The following CSPP1 variants were observed in gnomAD, a reference collection of about 807,000 sequenced individuals.
CSPP1 encodes the protein centrosome and spindle pole-associated protein 1.
A neutral mutation model predicts 164.4 loss-of-function variants in CSPP1; 126 were observed. The observed-to-expected ratio is 0.77, with a 90% confidence interval of 0.66 to 0.89. The LOEUF (loss-of-function observed/expected upper bound fraction) is 0.89, where lower values mean the gene tolerates loss of function less well. CSPP1 is among the 40% of genes least tolerant of loss of function. The pLI is 0.00. For missense variants in CSPP1, 1,395 were observed against 1,449.8 expected (o/e 0.96, Z 0.61); for synonymous variants, 472 against 476.7 (o/e 0.99, Z 0.13).
intron 17 of CSPP1, among the ~76,000 whole-genome samples, chr8:67,144,904 TAAA>T (rs771851246): frequency 7.9e-6 from 1 of 125,822 alleles, no homozygotes; most frequent in Admixed American, 8.1e-5. Context: ...CTATCTCTAC[TAAA>T]AAAAAAAAAA....
At chr8:67,103,203 G>T in intron 8 of CSPP1, 68 bp downstream of exon 8, 1 of 891,710 alleles carries the variant, frequency 1.1e-6, no homozygotes, top group Non-Finnish European at 1.8e-6. Context: ...CCTAAAACTG[G>T]CTAACTGAAA....
rs561578263 is a variant in CSPP1 at position 67,073,498 on chromosome 8, A to G, written c.-10-745A>G. The stretch of plus-strand genomic sequence containing the variant: ...TTAAAGAAGGCAAAAGAGATATAGC[A>G]GTGAAATGCAATCAGTACCTAACTT... On this transcript the variant is annotated intron_variant, in intron 1 of 30. Transcript: ENST00000678616. Among the ~76,000 whole-genome samples the G allele has an allele frequency of 2.0e-5, 3 of 152,334 alleles. No homozygotes were observed. The South Asian group carries it at 6.2e-4, about 32-fold the overall frequency.
intron 18 of CSPP1, among the ~76,000 whole-genome samples, chr8:67,151,154 T>G (rs2129558321): frequency 6.6e-6 from 1 of 152,328 alleles, no homozygotes; most frequent in Non-Finnish European, 1.5e-5. Flanking sequence ...TATTTACCGT[T>G]TTCATGGGCA....
Position 67,110,835 on chromosome 8 carries a change from C to T in CSPP1, c.1094-1137C>T, listed in dbSNP as rs577765688. Among the ~76,000 whole-genome samples the T allele has an allele frequency of 7.9e-5, 12 of 151,368 alleles. No homozygotes were observed. The South Asian group carries it at 1.7e-3, about 21-fold the overall frequency. ...GAAAACAATTATTTTGTGTATTTTG[C>T]GCAGTTTTCTAATGTTTCTGTTGTT... is the stretch of plus-strand genomic sequence containing the variant. On this transcript the variant is annotated intron_variant, in intron 9 of 30. Coordinates refer to ENST00000678616, the MANE Select transcript of CSPP1 (RefSeq NM_001382391.1).
At chr8:67,153,927 T>C (rs548582156) in intron 18 of CSPP1, 97 bp from the exon 19 acceptor site, 1 of 595,994 alleles carries the variant, frequency 1.7e-6, no homozygotes, top group African/African-American at 1.9e-5. Flanking sequence ...TTTTTTTTTT[T>C]TTAAAAATGA....
chr8:67,165,361 T>A (rs1272942622), intron 24 of CSPP1, among the ~76,000 whole-genome samples: 1 of 152,194 alleles, frequency 6.6e-6, no homozygotes, highest in South Asian at 2.1e-4. Flanking sequence ...ACATCTTATA[T>A]TACCATGGTA....
chr8:67,086,751 C>G, intron 4 of CSPP1: 1 of 773,144 alleles, frequency 1.3e-6, no homozygotes, highest in East Asian at 5.4e-5. Context: ...GTCTCTTATT[C>G]TGATTTACAC....
intron 15 of CSPP1, 24 bp downstream of exon 15, chr8:67,118,845 A>T (rs1818443962): frequency 6.6e-7 from 1 of 1,523,364 alleles, no homozygotes; most frequent in Admixed American, 1.7e-5. Context: ...TAAAAGAATA[A>T]TTTTTTCCCC....
At chr8:67,153,868 T>A (rs1316949784) in intron 18 of CSPP1, among the ~76,000 whole-genome samples, 156 bp from the exon 19 acceptor site, 1 of 152,040 alleles carries the variant, frequency 6.6e-6, no homozygotes, top group Non-Finnish European at 1.5e-5. Flanking sequence ...GTTCATCTGA[T>A]CTTCAGATTC....
At chr8:67,141,130 T>C (rs1823410787) in intron 17 of CSPP1, among the ~76,000 whole-genome samples, 1 of 152,224 alleles carries the variant, frequency 6.6e-6, no homozygotes, top group South Asian at 2.1e-4. Flanking sequence ...AGAGCAGTTT[T>C]CTAAAATCTT....
At chr8:67,162,974 T>C (rs1025161086) in intron 22 of CSPP1, among the ~76,000 whole-genome samples, 1 of 152,156 alleles carries the variant, frequency 6.6e-6, no homozygotes, top group Non-Finnish European at 1.5e-5. Context: ...ATTAGTGCCA[T>C]TGTCTACGAT....
At chr8:67,136,488 G>T (rs1281774946) in intron 16 of CSPP1, among the ~76,000 whole-genome samples, 1 of 145,582 alleles carries the variant, frequency 6.9e-6, no homozygotes, top group Non-Finnish European at 1.5e-5. Flanking sequence ...AGAATGGCGT[G>T]AACCCGGGAG....
In CSPP1 at chr8:67,118,819, T is replaced by G. The variant is rs779267449; in HGVS notation, c.1695T>G (p.Val565=). 1.2e-6 allele frequency: 2 copies of G among 1,603,326 alleles called. No homozygotes were observed. Among genetic ancestry groups the G allele is most frequent in the Non-Finnish European group, 1.7e-6 (2 of 1,170,452 alleles). ...APVTHQLAQP[V]VNTVGQNELK... is the part of the protein sequence containing the mutation. The stretch of plus-strand genomic sequence containing the variant: ...TCACCCACCAACTAGCACAACCTGT[T>G]GTGTAAGTTATTAGTTAAAAGAATA... The change falls in exon 15 of 31, where the codon GTT becomes GTG. Residue 565 remains valine, a splice_region_variant and synonymous_variant. Transcript: ENST00000678616.
At chr8:67,129,184 C>G (rs570245158) in intron 15 of CSPP1, among the ~76,000 whole-genome samples, 1 of 151,948 alleles carries the variant, frequency 6.6e-6, no homozygotes, top group African/African-American at 2.4e-5. Flanking sequence ...TAGAAGGGAG[C>G]CTATAAACAT....
chr8:67,141,892 C>T (rs898447276), intron 17 of CSPP1, among the ~76,000 whole-genome samples: 2 of 152,202 alleles, frequency 1.3e-5, no homozygotes, highest in Non-Finnish European at 2.9e-5. Flanking sequence ...ACTAAGACCA[C>T]ATAACGTCTG....
At chr8:67,190,593 T>C (rs1487061669) in intron 28 of CSPP1, 57 bp from the exon 29 acceptor site, 6 of 1,308,990 alleles carry the variant, frequency 4.6e-6, no homozygotes, top group East Asian at 4.6e-5. Flanking sequence ...TTGGTTTAGC[T>C]CTGGGTAAGA....
intron 9 of CSPP1, among the ~76,000 whole-genome samples, chr8:67,111,337 T>C (rs2129549462): frequency 6.6e-6 from 1 of 152,334 alleles, no homozygotes; most frequent in East Asian, 1.9e-4. Context: ...GTTTGATTAG[T>C]GTATTTTATG....
At chr8:67,106,897 T>C (rs1429723110) in intron 9 of CSPP1, among the ~76,000 whole-genome samples, 1 of 152,184 alleles carries the variant, frequency 6.6e-6, no homozygotes, top group Non-Finnish European at 1.5e-5. Context: ...GAATGGCTAT[T>C]GTGAGAAAAA....
chr8:67,065,584 C>G, intron 1 of CSPP1: 1 of 843,128 alleles, frequency 1.2e-6, no homozygotes, highest in Non-Finnish European at 1.4e-6. Context: ...AGGTCGCTAG[C>G]TTTCTGGTGA....
Sources: allele counts gnomAD v4.1 joint callset (sites outside exome capture counted in the v4.1 genomes callset), GRCh38; gene constraint gnomAD v4.1.1; transcripts MANE v1.5; gene names NCBI Gene and HGNC (gene_info 2026-07-23, HGNC 2026-07-21).